CDKAL1: variants seen among roughly 807,000 people sequenced by gnomAD.
CDKAL1 encodes threonylcarbamoyladenosine tRNA methylthiotransferase.
A neutral mutation model predicts 68.2 loss-of-function variants in CDKAL1; 32 were observed. That is an observed-to-expected ratio of 0.47 (90% CI 0.35 to 0.63). The LOEUF (loss-of-function observed/expected upper bound fraction) is 0.63. Ranked by LOEUF, CDKAL1 falls within the 30% of genes least tolerant of loss-of-function variation. The pLI is 0.00. For synonymous variants in CDKAL1, 234 were observed against 244.3 expected (o/e 0.96, Z 0.39); for missense variants, 606 against 696.7 (o/e 0.87, Z 1.47).
At chr6:20,891,462 G>C (rs1303297609) in intron 9 of CDKAL1, among the ~76,000 whole-genome samples, 1 of 151,944 alleles carries the variant, frequency 6.6e-6, no homozygotes, top group Admixed American at 6.6e-5. Flanking sequence ...CGGGTGGCCT[G>C]TCAGTCATCC....
At chr6:20,598,634 G>T (rs111937213) in intron 4 of CDKAL1, among the ~76,000 whole-genome samples, 1 of 152,034 alleles carries the variant, frequency 6.6e-6, no homozygotes. Flanking sequence ...ATGAAACGAG[G>T]ATCAAATTAA....
chr6:21,012,226 A>C (rs552012822), intron 11 of CDKAL1, among the ~76,000 whole-genome samples: 1 of 152,350 alleles, frequency 6.6e-6, no homozygotes. Flanking sequence ...ACTTACCTGC[A>C]AGAGAGGCTA....
intron 9 of CDKAL1, among the ~76,000 whole-genome samples, chr6:20,885,601 G>C (rs1761029258): frequency 6.6e-6 from 1 of 152,062 alleles, no homozygotes; most frequent in Admixed American, 6.6e-5. Context: ...TTTAACAGTG[G>C]ATTCTTAGAT....
At chr6:21,034,991 T>C (rs1769494023) in intron 11 of CDKAL1, among the ~76,000 whole-genome samples, 1 of 152,174 alleles carries the variant, frequency 6.6e-6, no homozygotes, top group African/African-American at 2.4e-5. Context: ...GTAGATTGTC[T>C]ACATATCTCA....
chr6:21,114,535 C>A (rs1416486143), intron 13 of CDKAL1, among the ~76,000 whole-genome samples: 1 of 151,794 alleles, frequency 6.6e-6, no homozygotes, highest in East Asian at 1.9e-4. Flanking sequence ...GAGTTTGAGA[C>A]CAGCCTGGAC....
intron 5 of CDKAL1, among the ~76,000 whole-genome samples, chr6:20,698,444 T>C (rs2127812138): frequency 6.6e-6 from 1 of 152,332 alleles, no homozygotes; most frequent in East Asian, 1.9e-4. Flanking sequence ...AAAGTCCTTT[T>C]TCTGTTCCAG....
chr6:20,886,091 T>C (rs745487577), intron 9 of CDKAL1, among the ~76,000 whole-genome samples: 34 of 151,850 alleles, frequency 2.2e-4, no homozygotes, highest in Non-Finnish European at 4.0e-4. Context: ...AGTTAGAAAA[T>C]GGACAAAAGA....
chr6:20,956,058 G>A (rs972749447), intron 10 of CDKAL1, among the ~76,000 whole-genome samples: 1 of 152,154 alleles, frequency 6.6e-6, no homozygotes, highest in African/African-American at 2.4e-5. Context: ...GATACATAGG[G>A]GTGAAGTTGA....
intron 10 of CDKAL1, 105 bp downstream of exon 10, chr6:20,955,690 A>G (rs576145390): frequency 1.2e-6 from 1 of 823,484 alleles, no homozygotes; most frequent in East Asian, 3.4e-5. Flanking sequence ...ACTCCTTCAC[A>G]TTTTTTTTTT....
rs562886770 is a variant in CDKAL1 at position 20,730,508 on chromosome 6, A to G, written c.372-9011A>G. Among the ~76,000 whole-genome samples, 312 of 144,654 alleles carry G rather than the reference A, an allele frequency of 2.2e-3. 2 individuals carry two copies. The highest frequency in any genetic ancestry group is 7.5e-3 in the African/African-American group (302 of 40,118). The allele number at this position is 144,654 out of a possible 152,430, so 94.9% of individuals were successfully genotyped here. A position where few individuals can be genotyped will look rare whatever the true frequency, so the allele number is the denominator to read the frequency against. ...GAAAGAAAAAGAAAAGAAAGAAAGA[A>G]AGAAAGAGATTACATGGTAGAGGAA... On this transcript the variant is annotated intron_variant, in intron 5 of 15. Transcript: ENST00000274695.
intron 8 of CDKAL1, among the ~76,000 whole-genome samples, chr6:20,826,875 A>G (rs1028871359): frequency 3.9e-5 from 6 of 152,170 alleles, no homozygotes; most frequent in Admixed American, 2.6e-4. Context: ...TGTTCACAAA[A>G]TTAGCAAAAG....
At chr6:20,650,265 G>C (rs1004068052) in intron 5 of CDKAL1, among the ~76,000 whole-genome samples, 1 of 152,130 alleles carries the variant, frequency 6.6e-6, no homozygotes, top group Non-Finnish European at 1.5e-5. Context: ...TCTGACTGGC[G>C]TGAAATGGTA....
intron 4 of CDKAL1, among the ~76,000 whole-genome samples, chr6:20,556,103 G>A (rs145750391): frequency 6.6e-6 from 1 of 152,018 alleles, no homozygotes; most frequent in Non-Finnish European, 1.5e-5. Context: ...GATCGCTGTC[G>A]CCTGTAATCC....
chr6:20,609,583 A>G (rs796354042), intron 4 of CDKAL1, among the ~76,000 whole-genome samples: 8 of 151,722 alleles, frequency 5.3e-5, no homozygotes, highest in African/African-American at 1.9e-4. Flanking sequence ...TTTAGTAGAG[A>G]TGGGGTTTCA....
At chr6:20,568,965 A>G (rs186274323) in intron 4 of CDKAL1, among the ~76,000 whole-genome samples, 5 of 152,286 alleles carry the variant, frequency 3.3e-5, no homozygotes, top group Admixed American at 1.3e-4. Context: ...TTGAGTACAG[A>G]GATGGCCCTT....
At chr6:20,998,263 G>A (rs889538701) in intron 10 of CDKAL1, among the ~76,000 whole-genome samples, 14 of 152,198 alleles carry the variant, frequency 9.2e-5, no homozygotes, top group African/African-American at 2.4e-4. Flanking sequence ...TGTAGGATGC[G>A]TAATGTGAGT....
rs1048082929 is a variant in CDKAL1, at chr6:20,751,421, A to T, written c.469-7174A>T. Among the ~76,000 whole-genome samples, 4 of 152,222 alleles carry T rather than the reference A, an allele frequency of 2.6e-5. No individual in the cohort carries two copies. In the East Asian group the frequency reaches 7.7e-4, roughly 29 times the overall value. The stretch of plus-strand genomic sequence containing the variant: ...TAAATATGAATTAAGTTCCTCAGTA[A>T]CAGTAGCCACATTTGAAGTCTGTAA... On this transcript the variant is annotated intron_variant, in intron 6 of 15. Coordinates refer to ENST00000274695, the MANE Select transcript of CDKAL1 (RefSeq NM_017774.3).
intron 5 of CDKAL1, among the ~76,000 whole-genome samples, chr6:20,690,585 G>A (rs971009532): frequency 2.3e-4 from 35 of 152,104 alleles, no homozygotes; most frequent in African/African-American, 8.2e-4. Flanking sequence ...ATGGAGATTG[G>A]GATGACAGCT....
intron 15 of CDKAL1, among the ~76,000 whole-genome samples, chr6:21,206,067 G>C (rs1778922333): frequency 6.6e-6 from 1 of 151,030 alleles, no homozygotes; most frequent in Non-Finnish European, 1.5e-5. Flanking sequence ...TCCTGACCTT[G>C]TGATCCGCCC....
Sources: allele counts gnomAD v4.1 joint callset (sites outside exome capture counted in the v4.1 genomes callset), GRCh38; gene constraint gnomAD v4.1.1; transcripts MANE v1.5; gene names NCBI Gene and HGNC (gene_info 2026-07-23, HGNC 2026-07-21).